The following PLEKHH2 variants were observed in gnomAD, a reference collection of about 807,000 sequenced individuals.
PLEKHH2 encodes pleckstrin homology domain-containing family H member 2.
In PLEKHH2, 129 loss-of-function variants were observed where a neutral mutation model predicts 187.9. That is an observed-to-expected ratio of 0.69 (90% CI 0.59 to 0.79). PLEKHH2 has a LOEUF of 0.79. PLEKHH2 is among the 30% of genes least tolerant of loss of function. PLEKHH2 has a pLI of 0.00. For synonymous variants in PLEKHH2, 686 were observed against 605.6 expected (o/e 1.13, Z -1.95); for missense variants, 2,076 against 1,751.2 (o/e 1.19, Z -3.31).
chr2:43,715,983 A>G (rs1670192541), intron 15 of PLEKHH2, among the ~76,000 whole-genome samples: 1 of 152,174 alleles, frequency 6.6e-6, no homozygotes, highest in African/African-American at 2.4e-5. Context: ...GTCTGAGAGT[A>G]ATGCCTGTGA....
chr2:43,700,158 A>T lies in PLEKHH2; in HGVS notation c.1200A>T (p.Ser400=). 6.2e-7 allele frequency: 1 copy of T among 1,614,166 alleles called. No individual in the cohort carries two copies. ...FQSQRLDYSS[S]SSEANTPSPI... The stretch of plus-strand genomic sequence containing the variant: ...CCCAGAGACTCGATTATTCATCTTC[A>T]TCGAGTGAAGCCAACACCCCAAGCC... The change falls in exon 8 of 30, where the codon TCA becomes TCT. Residue 400 remains serine (S), a synonymous_variant. Transcript: ENST00000282406.
Position 43,675,357 on chromosome 2 carries a change from T to A in PLEKHH2, c.124-3506T>A, listed in dbSNP as rs769987560. 5 of 1,535,448 alleles carry A rather than the reference T, an allele frequency of 3.3e-6. No individual in the cohort carries two copies. The East Asian group carries it at 1.1e-4, about 35-fold the overall frequency. On this transcript the variant is annotated intron_variant, in intron 2 of 29. Coordinates refer to ENST00000282406, the MANE Select transcript of PLEKHH2 (RefSeq NM_172069.4). ...TTCAAGTGCTCTTGGACAGCACAGG[T>A]CTATTATTCTCCAGGCCTCAGTCAT...
chr2:43,705,993 G>C (rs1669637836), intron 9 of PLEKHH2, among the ~76,000 whole-genome samples: 2 of 152,142 alleles, frequency 1.3e-5, no homozygotes, highest in African/African-American at 2.4e-5. Flanking sequence ...TGAATTGGTT[G>C]GTAAGCAGTT....
chr2:43,753,520 T>G (rs933659162), intron 24 of PLEKHH2, 99 bp from the exon 25 acceptor site: 1 of 916,620 alleles, frequency 1.1e-6, no homozygotes, highest in Non-Finnish European at 1.5e-6. Context: ...CTTAGAGTAC[T>G]GTGTTAAAAC....
intron 27 of PLEKHH2, among the ~76,000 whole-genome samples, chr2:43,761,463 T>A (rs982924422): frequency 2.7e-5 from 4 of 146,976 alleles, no homozygotes; most frequent in African/African-American, 5.1e-5. Flanking sequence ...CAGGCTGGAG[T>A]GCAGTGGCAC....
At chr2:43,760,769 G>T (rs1672398706) in intron 27 of PLEKHH2, among the ~76,000 whole-genome samples, 1 of 152,122 alleles carries the variant, frequency 6.6e-6, no homozygotes, top group African/African-American at 2.4e-5. Context: ...TTCCCAAACT[G>T]AAACTGTACC....
At chr2:43,673,546 T>C (rs1053601854) in intron 2 of PLEKHH2, among the ~76,000 whole-genome samples, 8 of 152,182 alleles carry the variant, frequency 5.3e-5, no homozygotes, top group Non-Finnish European at 1.5e-5. Flanking sequence ...TGGCAAACTA[T>C]TGGTAAATAG....
At chr2:43,675,836 G>A (rs1667732906) in intron 2 of PLEKHH2, 4 of 1,613,862 alleles carry the variant, frequency 2.5e-6, no homozygotes, top group African/African-American at 1.3e-5. Flanking sequence ...TAGAAGGGCT[G>A]GGATGCATCC....
intron 15 of PLEKHH2, among the ~76,000 whole-genome samples, chr2:43,718,691 A>T (rs1244891714): frequency 6.6e-6 from 1 of 152,304 alleles, no homozygotes; most frequent in African/African-American, 2.4e-5. Flanking sequence ...TCAGAAGTAC[A>T]CTGTCTATAG....
At chr2:43,757,086 A>G in intron 25 of PLEKHH2, 33 bp from the exon 26 acceptor site, 1 of 1,486,366 alleles carries the variant, frequency 6.7e-7, no homozygotes, top group African/African-American at 1.4e-5. Context: ...AACTCTTTTC[A>G]ATATATTTTC....
chr2:43,748,655 C>T (rs138435232), intron 24 of PLEKHH2, among the ~76,000 whole-genome samples: 13 of 152,350 alleles, frequency 8.5e-5, no homozygotes, highest in African/African-American at 2.9e-4. Flanking sequence ...ACTGACCTAA[C>T]GGTCCTCATT....
chr2:43,697,610 T>C (rs1250395108), intron 7 of PLEKHH2, among the ~76,000 whole-genome samples: 1 of 152,206 alleles, frequency 6.6e-6, no homozygotes, highest in Non-Finnish European at 1.5e-5. Flanking sequence ...GGAAGGTGGG[T>C]ATTTAAAATT....
At position 43,643,665 on chromosome 2, in the gene PLEKHH2, A is replaced by G. The variant is rs191054598; in HGVS notation, c.-3-1006A>G. Among the ~76,000 whole-genome samples, 4 of 152,196 alleles carry G rather than the reference A, an allele frequency of 2.6e-5. No individual in the cohort carries two copies. In the East Asian group the frequency reaches 7.7e-4, roughly 29 times the overall value. On this transcript the variant is annotated intron_variant, in intron 1 of 29. Coordinates refer to ENST00000282406, the MANE Select transcript of PLEKHH2 (RefSeq NM_172069.4). ...CCAGGGCTCTGAGAGTTTTGCTGTC[A>G]CCGTTCTTCATAACTGAGGCTTTCC...
In PLEKHH2 at chr2:43,743,851, ATCT is replaced by A; in HGVS notation, c.3418_3420del (p.Ser1140del). On this transcript the variant is annotated inframe_deletion, in exon 23 of 30. Coordinates refer to ENST00000282406, the MANE Select transcript of PLEKHH2 (RefSeq NM_172069.4). ...CTGTCTAGGTAGTTGGTTTTGACGC[ATCT>A]ACCACAGTGGAAGAATTTTTGAATA... is the stretch of plus-strand genomic sequence containing the variant. The A allele has an allele frequency of 6.2e-7, 1 of 1,613,912 alleles. No individual in the cohort carries two copies. The highest frequency in any genetic ancestry group is 8.5e-7 in the Non-Finnish European group (1 of 1,179,798).
chr2:43,711,735 C>CA (rs1028870192), intron 14 of PLEKHH2: 18 of 437,174 alleles, frequency 4.1e-5, no homozygotes, highest in Admixed American at 6.4e-5. Flanking sequence ...ACTAAAAATT[C>CA]AAAAAAAATT....
intron 2 of PLEKHH2, among the ~76,000 whole-genome samples, chr2:43,647,620 G>A (rs768018357): frequency 5.9e-5 from 9 of 152,016 alleles, no homozygotes; most frequent in Middle Eastern, 3.2e-3. Flanking sequence ...AATGCAAACC[G>A]TATGGCATTG....
chr2:43,723,983 GT>G (rs1276625485), intron 16 of PLEKHH2, among the ~76,000 whole-genome samples: 1 of 152,192 alleles, frequency 6.6e-6, no homozygotes, highest in Admixed American at 6.5e-5. Context: ...GATTCTGAAA[GT>G]CTTGTTGACA....
chr2:43,737,703 A>G (rs936115938), intron 19 of PLEKHH2, among the ~76,000 whole-genome samples: 2 of 152,230 alleles, frequency 1.3e-5, no homozygotes, highest in Admixed American at 6.5e-5. Flanking sequence ...CCCAGAGGAA[A>G]TGATCTAACG....
Position 43,755,221 on chromosome 2 carries a change from T to A in PLEKHH2, c.3795+1461T>A, listed in dbSNP as rs1672168103. ...ACTAATCATCGTCCCTCCTCTGTGT[T>A]CACATTCTGTCTCCTCTTTATGATA... On this transcript the variant is annotated intron_variant, in intron 25 of 29. Coordinates refer to ENST00000282406, the MANE Select transcript of PLEKHH2 (RefSeq NM_172069.4). 4.6e-5 allele frequency among the ~76,000 whole-genome samples: 7 copies of A among 152,220 alleles called. No homozygotes were observed. In the South Asian group the frequency reaches 1.5e-3, roughly 32 times the overall value.
Sources: allele counts gnomAD v4.1 joint callset (sites outside exome capture counted in the v4.1 genomes callset), GRCh38; gene constraint gnomAD v4.1.1; transcripts MANE v1.5; gene names NCBI Gene and HGNC (gene_info 2026-07-23, HGNC 2026-07-21).